JAK2: variants seen among roughly 807,000 people sequenced by gnomAD.
JAK2 encodes the protein tyrosine-protein kinase JAK2.
A neutral mutation model predicts 139.3 loss-of-function variants in JAK2; 86 were observed. The observed-to-expected ratio is 0.62, with a 90% CI of 0.52 to 0.74. JAK2 has a LOEUF of 0.74. Ranked by LOEUF, JAK2 falls within the 30% of genes least tolerant of loss-of-function variation. The pLI is 0.00. For missense variants in JAK2, 1,421 were observed against 1,360.3 expected, an observed-to-expected ratio of 1.04 and a Z score of -0.70; for synonymous variants, 490 against 437.7, an observed-to-expected ratio of 1.12 and a Z score of -1.49.
intron 2 of JAK2, among the ~76,000 whole-genome samples, chr9:5,003,565 C>G (rs1300736925): frequency 3.3e-5 from 5 of 151,954 alleles, no homozygotes; most frequent in Non-Finnish European, 7.4e-5. Context: ...ATATATTGGT[C>G]TTGCATCTTG....
intron 22 of JAK2, chr9:5,100,710 A>G (rs559602262): frequency 1.4e-4 from 22 of 152,358 alleles, no homozygotes; most frequent in African/African-American, 4.6e-4. Flanking sequence ...TCGAAAGCAA[A>G]TAATTCTAGC....
chr9:5,005,835 T>G (rs1246778603), intron 2 of JAK2, among the ~76,000 whole-genome samples: 2 of 152,238 alleles, frequency 1.3e-5, no homozygotes, highest in East Asian at 3.8e-4. Context: ...AGGGCTCTGT[T>G]CTGTTCCATT....
At chr9:5,126,120 T>G (rs1823977837) in intron 23 of JAK2, 2 of 418,484 alleles carry the variant, frequency 4.8e-6, no homozygotes, top group African/African-American at 2.1e-5. Context: ...GGATTTGTGT[T>G]GAGTTTATTA....
At chr9:5,028,205 C>A (rs530307546) in intron 3 of JAK2, among the ~76,000 whole-genome samples, 2 of 152,288 alleles carry the variant, frequency 1.3e-5, no homozygotes, top group Admixed American at 1.3e-4. Flanking sequence ...GTTGTGTTAG[C>A]AGGCATGAAA....
chr9:5,054,443 C>T lies in JAK2; in HGVS notation c.615-120C>T. The T allele has an allele frequency of 2.7e-6, 2 of 741,938 alleles. No homozygotes were observed. Among genetic ancestry groups the T allele is most frequent in the Non-Finnish European group, 4.5e-6 (2 of 448,402 alleles). 46.0% of individuals were successfully genotyped at this position (741,938 alleles called of 1,614,324 possible). On this transcript the variant is annotated intron_variant, in intron 6 of 24. Coordinates refer to ENST00000381652, the MANE Select transcript of JAK2 (RefSeq NM_004972.4). This position sits in a 1 kb window ranked among gnomAD's most constrained non-coding sequence, Gnocchi z 4.9. The stretch of plus-strand genomic sequence containing the variant: ...GTTATGTCAACTTACGCCACTTGGC[C>T]ACTGTGTTGTAAGGCCTACTTAATC...
At position 5,126,947 on chromosome 9, in the gene JAK2, TAGTA is replaced by T; in HGVS notation, c.*160_*163del. 2.4e-6 allele frequency: 1 copy of T among 414,340 alleles called. No homozygotes were observed. Among genetic ancestry groups the T allele is most frequent in the Non-Finnish European group, 4.2e-6 (1 of 236,322 alleles). The allele number at this position is 414,340 out of a possible 1,614,324, so 25.7% of individuals were successfully genotyped here. A position where few individuals can be genotyped will look rare whatever the true frequency, so the allele number is the denominator to read the frequency against. On this transcript the variant is annotated 3_prime_UTR_variant, in exon 25 of 25. Coordinates refer to ENST00000381652, the MANE Select transcript of JAK2 (RefSeq NM_004972.4). ...ATATCTGCTCAAAACTTTCAAAGTT[TAGTA>T]AGTTTTTCTTCATGAGGCCACCAGT...
At chr9:5,102,508 C>T (rs1277344344) in intron 22 of JAK2, among the ~76,000 whole-genome samples, 1 of 152,274 alleles carries the variant, frequency 6.6e-6, no homozygotes, top group East Asian at 1.9e-4. Context: ...CCTACCAAGG[C>T]AGGCCAACAT....
At chr9:5,112,862 CGTG>C (rs1586821395) in intron 22 of JAK2, 1 of 459,772 alleles carries the variant, frequency 2.2e-6, no homozygotes, top group East Asian at 4.8e-5. Context: ...GGTACGCCTC[CGTG>C]GGACGAGCCA....
intron 22 of JAK2, chr9:5,111,720 A>T: frequency 2.3e-6 from 1 of 433,548 alleles, no homozygotes; most frequent in South Asian, 1.7e-5. Context: ...CTGCACCAGC[A>T]CGAGCGCGTG....
intron 19 of JAK2, chr9:5,085,827 GC>G (rs1419663326): frequency 1.3e-6 from 1 of 760,318 alleles, no homozygotes; most frequent in Admixed American, 1.7e-5. Context: ...TGATCGAAAG[GC>G]TTTTCCTTTT....
intron 16 of JAK2, 88 bp downstream of exon 16, chr9:5,078,532 C>T: frequency 1.0e-6 from 1 of 972,730 alleles, no homozygotes; most frequent in East Asian, 2.5e-5. Context: ...CCTTGAATTC[C>T]ATTTAATTTG....
intron 22 of JAK2, chr9:5,112,640 C>T: frequency 2.0e-6 from 2 of 1,002,718 alleles, no homozygotes; most frequent in Non-Finnish European, 2.8e-6. Context: ...CAGCGAGAAG[C>T]CCCAGACCAA....
intron 22 of JAK2, 36 bp from the exon 23 acceptor site, chr9:5,122,968 G>A (rs1189693702): frequency 7.4e-7 from 1 of 1,344,162 alleles, no homozygotes; most frequent in Non-Finnish European, 1.0e-6. Context: ...CACATATCAA[G>A]TAACTGTCTT....
chr9:5,072,407 A>G (rs576879188), intron 12 of JAK2, 85 bp from the exon 13 acceptor site: 2 of 978,514 alleles, frequency 2.0e-6, no homozygotes, highest in Admixed American at 3.1e-5. Flanking sequence ...ATTTAAAAAA[A>G]TTCTTCCTCA....
At chr9:5,023,787 A>T (rs1426376115) in intron 3 of JAK2, among the ~76,000 whole-genome samples, 1 of 151,568 alleles carries the variant, frequency 6.6e-6, no homozygotes, top group East Asian at 1.9e-4. Flanking sequence ...GATATGAGAG[A>T]CCTCTGGTCA....
At position 5,048,856 on chromosome 9, in the gene JAK2, G is replaced by A. The variant is rs529541232; in HGVS notation, c.469-1830G>A. On this transcript the variant is annotated intron_variant, in intron 5 of 24. Coordinates refer to ENST00000381652, the MANE Select transcript of JAK2 (RefSeq NM_004972.4). Reference sequence around the variant, plus strand: ...TGTAGAGTATAGAGGGCCCTTGTCCGGTTTAAAACCTTGATTCGCATTGTT... The same window carrying A: ...TGTAGAGTATAGAGGGCCCTTGTCCAGTTTAAAACCTTGATTCGCATTGTT... 6.6e-5 allele frequency among the ~76,000 whole-genome samples: 10 copies of A among 152,204 alleles called. No homozygotes were observed. In the East Asian group the frequency reaches 1.2e-3, roughly 18 times the overall value.
At chr9:5,049,064 A>G (rs553812143) in intron 5 of JAK2, among the ~76,000 whole-genome samples, 3 of 152,292 alleles carry the variant, frequency 2.0e-5, no homozygotes, top group African/African-American at 7.2e-5. Flanking sequence ...TTCATTCTTT[A>G]GACAATATAT....
At chr9:5,024,355 A>G (rs1452638893) in intron 3 of JAK2, among the ~76,000 whole-genome samples, 1 of 152,076 alleles carries the variant, frequency 6.6e-6, no homozygotes, top group African/African-American at 2.4e-5. Context: ...TTGAATTCCT[A>G]GGGCCAAAAG....
intron 6 of JAK2, among the ~76,000 whole-genome samples, chr9:5,052,834 C>A (rs186997176): frequency 6.6e-6 from 1 of 151,982 alleles, no homozygotes; most frequent in Non-Finnish European, 1.5e-5. Context: ...TACTTCATTT[C>A]TTTTTATTGC....
Sources: gnomAD v4.1 joint callset for allele counts (sites outside exome capture counted in the v4.1 genomes callset) on GRCh38, gnomAD v4.1.1 for gene constraint, Gnocchi (gnomAD v3.1) non-coding constraint, MANE v1.5 for transcripts, NCBI Gene and HGNC (gene_info 2026-07-23, HGNC 2026-07-21) for gene names.